The following CHFR variants were observed in gnomAD, a reference collection of about 807,000 sequenced individuals.
CHFR encodes the protein checkpoint with forkhead and ring finger domains.
CHFR carries 57 observed loss-of-function variants against 87.6 expected under a neutral mutation model. The observed-to-expected ratio is 0.65, with a 90% CI of 0.53 to 0.81. CHFR has a LOEUF of 0.81. Among genes scored for constraint, CHFR ranks in the 30% least tolerant of loss-of-function variants. CHFR has a pLI of 0.00. For missense variants in CHFR, 797 were observed against 865.8 expected (o/e 0.92, Z 1.00); for synonymous variants, 381 against 359.2 (o/e 1.06, Z -0.69).
chr12:132,847,025 G>C lies in CHFR; in HGVS notation c.1735+18C>G. 1 of 1,588,306 alleles carries C rather than the reference G, an allele frequency of 6.3e-7. No individual in the cohort carries two copies. Among genetic ancestry groups the C allele is most frequent in the Non-Finnish European group, 8.6e-7 (1 of 1,157,116 alleles). On this transcript the variant is annotated intron_variant, in intron 15 of 17. Coordinates refer to ENST00000450056, the MANE Select transcript of CHFR (RefSeq NM_001161346.2). ...CACTCACATGCGCCTTAGAGCAGGA[G>C]GCAACAGAAGAACTCACCAGACAGC... is the stretch of plus-strand genomic sequence containing the variant.
chr12:132,872,788 G>A (rs1169104787), intron 3 of CHFR, among the ~76,000 whole-genome samples: 6 of 152,204 alleles, frequency 3.9e-5, no homozygotes, highest in Non-Finnish European at 8.8e-5. Flanking sequence ...CAACCCCGGT[G>A]AACTCATGCC....
Position 132,838,341 on chromosome 12 carries a change from A to C in CHFR, c.*3213T>G, listed in dbSNP as rs1295950917. ...TGAATCCCTCAGTCTGTTTTAAGCC[A>C]ATCTGCCCAGACTTCCTGGCTGCAG... On this transcript the variant is annotated 3_prime_UTR_variant, in exon 18 of 18. Coordinates refer to ENST00000450056, the MANE Select transcript of CHFR (RefSeq NM_001161346.2). 1.3e-5 allele frequency: 2 copies of C among 152,336 alleles called. No individual in the cohort carries two copies. Among genetic ancestry groups the C allele is most frequent in the Non-Finnish European group, 2.9e-5 (2 of 68,112 alleles). 9.4% of individuals were successfully genotyped at this position (152,336 alleles called of 1,614,324 possible).
chr12:132,845,371 A>G lies in CHFR; in HGVS notation c.1736-1237T>C, dbSNP rs532675798. 1.9e-4 allele frequency among the ~76,000 whole-genome samples: 29 copies of G among 152,092 alleles called. 1 individual carries two copies. In the East Asian group the frequency reaches 4.5e-3, roughly 23 times the overall value. On this transcript the variant is annotated intron_variant, in intron 15 of 17. Transcript: ENST00000450056. ...CTACTCAGGAGGCTGAGGCAGGACA[A>G]TTGTTGAACCTGGGAGGCGGAGCTT...
At position 132,857,410 on chromosome 12, in the gene CHFR, T is replaced by G. The variant is rs370386571; in HGVS notation, c.1061A>C (p.His354Pro). The G allele has an allele frequency of 2.2e-5, 35 of 1,614,012 alleles. No individual in the cohort carries two copies. The highest frequency in any genetic ancestry group is 2.8e-5 in the Non-Finnish European group (33 of 1,180,002). The change falls in exon 9 of 18, where the codon CAT (histidine) becomes CCT (proline). Residue 354 changes from histidine (H) to proline (P), a missense_variant. This residue lies in a region of CHFR where 597 missense variants were observed against 601.2 expected (regional missense o/e 0.99). Coordinates refer to ENST00000450056, the MANE Select transcript of CHFR (RefSeq NM_001161346.2). ...GTGTGGATGCCCTCACTTGCCTGGA[T>G]GCTGGATGAGGTATGCTTCCACGAG... ...NNLVEAYLIQHPDKSRSEEDV... is the reference protein window; with the variant it reads ...NNLVEAYLIQPPDKSRSEEDV...
intron 3 of CHFR, among the ~76,000 whole-genome samples, chr12:132,876,533 T>C (rs1004267240): frequency 6.6e-6 from 1 of 152,232 alleles, no homozygotes; most frequent in South Asian, 2.1e-4. Flanking sequence ...TGTACTTCAG[T>C]TGTACAAGAA....
At chr12:132,858,911 C>A (rs1032543573) in intron 8 of CHFR, among the ~76,000 whole-genome samples, 157 bp downstream of exon 8, 11 of 151,744 alleles carry the variant, frequency 7.2e-5, no homozygotes, top group Admixed American at 7.2e-4. Flanking sequence ...TCCACCCACT[C>A]CACCCACTCC....
At chr12:132,878,605 G>A (rs542716211) in intron 2 of CHFR, among the ~76,000 whole-genome samples, 2 of 151,838 alleles carry the variant, frequency 1.3e-5, no homozygotes, top group Non-Finnish European at 1.5e-5. Context: ...AGATCACAAG[G>A]TCAGGAGATC....
chr12:132,858,680 A>G (rs1170431976), intron 8 of CHFR, among the ~76,000 whole-genome samples: 4 of 142,862 alleles, frequency 2.8e-5, no homozygotes, highest in Non-Finnish European at 4.5e-5. Context: ...GTGAGCCAAG[A>G]CTGTGCCACT....
chr12:132,880,308 G>T (rs1951736925), intron 2 of CHFR, among the ~76,000 whole-genome samples: 1 of 152,094 alleles, frequency 6.6e-6, no homozygotes, highest in Non-Finnish European at 1.5e-5. Context: ...TCGCAGATAG[G>T]ATATAAAAAG....
At chr12:132,881,797 G>GGCGGAGGTTGCAGTGA (rs370740796) in intron 2 of CHFR, among the ~76,000 whole-genome samples, 43 of 151,744 alleles carry the variant, frequency 2.8e-4, no homozygotes, top group African/African-American at 7.3e-4. Context: ...GAACCCGGGA[G>GGCGGAGGTTGCAGTGA]GCGGAGGTTG....
chr12:132,841,503 A>G lies in CHFR; in HGVS notation c.*51T>C. The G allele has an allele frequency of 6.6e-7, 1 of 1,515,676 alleles. No individual in the cohort carries two copies. Among genetic ancestry groups the G allele is most frequent in the East Asian group, 2.2e-5 (1 of 44,448 alleles). 93.9% of individuals were successfully genotyped at this position (1,515,676 alleles called of 1,614,324 possible). On this transcript the variant is annotated 3_prime_UTR_variant, in exon 18 of 18. Transcript: ENST00000450056. The stretch of plus-strand genomic sequence containing the variant: ...ACGTGCTTGTCTCTGTATTTTAAAA[A>G]CACGCTCTCTTCACCTCCAGTGCTG...
At chr12:132,885,650 T>C (rs1016747501) in intron 2 of CHFR, among the ~76,000 whole-genome samples, 8 of 152,164 alleles carry the variant, frequency 5.3e-5, no homozygotes, top group Non-Finnish European at 1.2e-4. Context: ...TAATAACATG[T>C]ATAACATGTT....
intron 2 of CHFR, among the ~76,000 whole-genome samples, chr12:132,880,721 C>A (rs1389086229): frequency 6.6e-6 from 1 of 150,598 alleles, no homozygotes; most frequent in Admixed American, 6.6e-5. Context: ...AATCTCAGCA[C>A]GTTGGGAGGC....
At chr12:132,875,931 T>C (rs374685119) in intron 3 of CHFR, among the ~76,000 whole-genome samples, 7 of 152,186 alleles carry the variant, frequency 4.6e-5, no homozygotes, top group South Asian at 2.1e-4. Flanking sequence ...TCCCAGCACT[T>C]TGGGAGGCTG....
At chr12:132,849,599 CTTT>C (rs35855109) in intron 12 of CHFR, 9 of 142,694 alleles carry the variant, frequency 6.3e-5, no homozygotes, top group Non-Finnish European at 9.2e-5. Flanking sequence ...ATTCAGGTGG[CTTT>C]TTTTTTTTTT....
At chr12:132,865,367 C>A (rs1024591469) in intron 6 of CHFR, among the ~76,000 whole-genome samples, 1 of 147,410 alleles carries the variant, frequency 6.8e-6, no homozygotes, top group Non-Finnish European at 1.5e-5. Context: ...GTTTTCTTTT[C>A]TTTTTTTTTT....
chr12:132,887,266 A>T lies in CHFR; in HGVS notation c.63T>A (p.Arg21=). ...PPPQPWGRLL[R]LGAEEGEPHV... ...GCGGCTCGCCCTCCTCCGCGCCCAG[A>T]CGCAGGAGCCGTCCCCAGGGCTGCG... The change falls in exon 2 of 18, where the codon CGT becomes CGA. Residue 21 remains arginine, a synonymous_variant. Coordinates refer to ENST00000450056, the MANE Select transcript of CHFR (RefSeq NM_001161346.2). 1 of 1,499,522 alleles carries T rather than the reference A, an allele frequency of 6.7e-7. No individual in the cohort carries two copies. Among genetic ancestry groups the T allele is most frequent in the African/African-American group, 1.5e-5 (1 of 68,722 alleles). 92.9% of individuals were successfully genotyped at this position (1,499,522 alleles called of 1,614,324 possible). A position where few individuals can be genotyped will look rare whatever the true frequency, so the allele number is the denominator to read the frequency against.
Position 132,839,357 on chromosome 12 carries a change from C to A in CHFR, c.*2197G>T, listed in dbSNP as rs760290. The A allele has an allele frequency of 0.11, 18,170 of 162,076 alleles. 1,436 individuals are homozygous for A. The highest frequency in any genetic ancestry group is 0.41 in the East Asian group (1,928 of 4,706). 10.0% of individuals were successfully genotyped at this position (162,076 alleles called of 1,614,324 possible). A position where few individuals can be genotyped will look rare whatever the true frequency, so the allele number is the denominator to read the frequency against. ...CAGGAACTCCCCTCTCGGCCTCACC[C>A]CCGCACTAACTCAGGACCTCCCCTC... On this transcript the variant is annotated 3_prime_UTR_variant, in exon 18 of 18. Coordinates refer to ENST00000450056, the MANE Select transcript of CHFR (RefSeq NM_001161346.2).
At chr12:132,846,896 A>G in intron 15 of CHFR, 147 bp downstream of exon 15, 1 of 661,316 alleles carries the variant, frequency 1.5e-6, no homozygotes, top group East Asian at 2.6e-5. Flanking sequence ...ACAAACAAAC[A>G]AACAAAAACA....
Sources: allele counts gnomAD v4.1 joint callset (sites outside exome capture counted in the v4.1 genomes callset), GRCh38; gene constraint gnomAD v4.1.1; regional missense constraint gnomAD v4.1.1; transcripts MANE v1.5; gene names NCBI Gene and HGNC (gene_info 2026-07-23, HGNC 2026-07-21).